MGST1: variants seen among roughly 807,000 people sequenced by gnomAD.
MGST1 encodes glutathione S-transferase 12.
MGST1 carries 5 observed loss-of-function variants against 8.9 expected under a neutral mutation model. The observed-to-expected ratio is 0.56, with a 90% CI of 0.29 to 1.19. The LOEUF (loss-of-function observed/expected upper bound fraction) is 1.19. Among genes scored for constraint, MGST1 ranks in the 50% most tolerant of loss-of-function variants. The pLI is 0.08. For missense variants in MGST1, 182 were observed against 187.4 expected (o/e 0.97, Z 0.17); for synonymous variants, 54 against 67.8 (o/e 0.80, Z 1.00).
At chr12:16,580,831 T>G (rs1001841730) in intron 4 of MGST1, among the ~76,000 whole-genome samples, 4 of 152,320 alleles carry the variant, frequency 2.6e-5, no homozygotes, top group African/African-American at 7.2e-5. Context: ...TATAGTTGCT[T>G]TGCAATAAAA....
At chr12:16,493,906 T>A (rs1941454670) in intron 4 of MGST1, among the ~76,000 whole-genome samples, 1 of 152,198 alleles carries the variant, frequency 6.6e-6, no homozygotes. Flanking sequence ...AATTTCAATA[T>A]CTATGTTTAG....
At chr12:16,402,108 A>T (rs1940660705) in intron 1 of MGST1, 4 of 1,520,554 alleles carry the variant, frequency 2.6e-6, no homozygotes, top group Non-Finnish European at 3.7e-6. Flanking sequence ...TCATATCAGC[A>T]GTCTGATGGC....
Position 16,517,797 on chromosome 12 carries a change from T to G in MGST1, n.483-71731T>G, listed in dbSNP as rs963999153. ...AAATGCCAGTGGTGGACTTTGAGGTTTTTGGATTCTCATAATTTCTTATTG... is the reference window on the plus strand; with the variant it reads ...AAATGCCAGTGGTGGACTTTGAGGTGTTTGGATTCTCATAATTTCTTATTG... On this transcript the variant is annotated intron_variant and non_coding_transcript_variant, in intron 4 of 4. Coordinates refer to the MGST1 transcript ENST00000538857. The surrounding 1 kb of genome is among the most constrained non-coding windows in gnomAD (Gnocchi z 4.2). Among the ~76,000 whole-genome samples the G allele has an allele frequency of 6.6e-6, 1 of 152,216 alleles. No individual in the cohort carries two copies. Among genetic ancestry groups the G allele is most frequent in the African/African-American group, 2.4e-5 (1 of 41,440 alleles).
chr12:16,551,768 T>TCAAA (rs1941999088), intron 4 of MGST1, among the ~76,000 whole-genome samples: 2 of 152,046 alleles, frequency 1.3e-5, no homozygotes, highest in South Asian at 4.1e-4. Context: ...TTAAAATGAA[T>TCAAA]CAAACAATTA....
chr12:16,489,277 T>G (rs1941421692), intron 4 of MGST1, among the ~76,000 whole-genome samples: 1 of 152,156 alleles, frequency 6.6e-6, no homozygotes, highest in African/African-American at 2.4e-5. Context: ...GTACTAGGGT[T>G]TATGATTTCT....
intron 4 of MGST1, among the ~76,000 whole-genome samples, chr12:16,485,571 A>T (rs867539161): frequency 1.3e-5 from 2 of 152,360 alleles, no homozygotes; most frequent in Admixed American, 6.5e-5. Flanking sequence ...GACATTATGT[A>T]TTCAAATATT....
At chr12:16,402,472 C>T in intron 1 of MGST1, 5 of 1,535,498 alleles carry the variant, frequency 3.3e-6, no homozygotes, top group Non-Finnish European at 4.5e-6. Context: ...GATGTCCCGG[C>T]TCTGCCACCT....
intron 4 of MGST1, among the ~76,000 whole-genome samples, chr12:16,448,041 C>T (rs551629961): frequency 4.0e-5 from 6 of 151,824 alleles, no homozygotes; most frequent in Middle Eastern, 6.8e-3. Context: ...AGTTGAAAGA[C>T]ACTGTACAGG....
At chr12:16,373,490 T>C (rs1940331567) in intron 3 of MGST1, among the ~76,000 whole-genome samples, 1 of 152,070 alleles carries the variant, frequency 6.6e-6, no homozygotes, top group Non-Finnish European at 1.5e-5. Context: ...AATATGATTG[T>C]ATCAAGATAT....
rs1453397308 is a variant in MGST1, at chr12:16,560,766, A to G, written n.483-28762A>G. On this transcript the variant is annotated intron_variant and non_coding_transcript_variant, in intron 4 of 4. Coordinates refer to the MGST1 transcript ENST00000538857. This position sits in a 1 kb window ranked among gnomAD's most constrained non-coding sequence, Gnocchi z 5.0. ...TTGTTTGAGAAGAAAAGGAAAAGAC[A>G]AATACATTAGGAAGCTTACGTAACT... The G allele has an allele frequency of 1.8e-6, 1 of 561,636 alleles. No individual in the cohort carries two copies. Among genetic ancestry groups the G allele is most frequent in the Non-Finnish European group, 3.3e-6 (1 of 307,274 alleles). The allele number at this position is 561,636 out of a possible 1,614,324, so 34.8% of individuals were successfully genotyped here. A position where few individuals can be genotyped will look rare whatever the true frequency, so the allele number is the denominator to read the frequency against.
intron 1 of MGST1, among the ~76,000 whole-genome samples, chr12:16,391,227 T>C (rs1940550333): frequency 6.6e-6 from 1 of 151,654 alleles, no homozygotes; most frequent in South Asian, 2.1e-4. Context: ...TGTACCACGG[T>C]GGTTTGCTGC....
intron 4 of MGST1, among the ~76,000 whole-genome samples, chr12:16,496,237 G>A (rs1406187936): frequency 1.3e-5 from 2 of 152,030 alleles, no homozygotes; most frequent in African/African-American, 2.4e-5. Flanking sequence ...GCAGAGAATT[G>A]GAGGCAATCG....
At chr12:16,525,036 A>AT (rs34390858) in intron 4 of MGST1, among the ~76,000 whole-genome samples, 10 of 150,858 alleles carry the variant, frequency 6.6e-5, no homozygotes, top group Non-Finnish European at 8.9e-5. Flanking sequence ...CATGGAACCC[A>AT]TTTTTTTTTT....
chr12:16,508,065 G>T (rs1169752073), intron 4 of MGST1, among the ~76,000 whole-genome samples: 4 of 152,116 alleles, frequency 2.6e-5, no homozygotes, highest in African/African-American at 9.7e-5. Context: ...GAGGAAGAAG[G>T]GATCTCTTTA....
At chr12:16,405,986 T>C (rs1222097752) in intron 1 of MGST1, among the ~76,000 whole-genome samples, 4 of 152,190 alleles carry the variant, frequency 2.6e-5, no homozygotes, top group Admixed American at 6.5e-5. Context: ...ACCATTCCTC[T>C]TGAAAACTGG....
intron 1 of MGST1, among the ~76,000 whole-genome samples, chr12:16,418,197 A>G (rs1426724091): frequency 1.3e-5 from 2 of 152,168 alleles, no homozygotes; most frequent in Non-Finnish European, 2.9e-5. Context: ...TAGAGTGGCG[A>G]TTATTGTCTT....
chr12:16,469,919 G>A (rs1233906209), intron 4 of MGST1, among the ~76,000 whole-genome samples: 1 of 152,182 alleles, frequency 6.6e-6, no homozygotes, highest in Non-Finnish European at 1.5e-5. Context: ...GTAAATTGAG[G>A]AAAGAGATTG....
intron 1 of MGST1, among the ~76,000 whole-genome samples, chr12:16,406,545 G>A (rs1403339965): frequency 1.3e-5 from 2 of 151,630 alleles, no homozygotes; most frequent in South Asian, 2.1e-4. Flanking sequence ...TATTTTTTTC[G>A]CAGAACTAGA....
downstream of MGST1, among the ~76,000 whole-genome samples, chr12:16,381,389 T>C (rs1320756807): frequency 6.6e-6 from 1 of 152,186 alleles, no homozygotes; most frequent in African/African-American, 2.4e-5. Context: ...TATTTCTCTT[T>C]CACTTATGAA....
Sources: gnomAD v4.1 joint callset for allele counts (sites outside exome capture counted in the v4.1 genomes callset) on GRCh38, gnomAD v4.1.1 for gene constraint, Gnocchi (gnomAD v3.1) non-coding constraint, MANE v1.5 for transcripts, NCBI Gene and HGNC (gene_info 2026-07-23, HGNC 2026-07-21) for gene names.